The following WWOX variants were observed in gnomAD, a reference collection of about 807,000 sequenced individuals.
WWOX encodes the protein WW domain-containing oxidoreductase.
In WWOX, 69 loss-of-function variants were observed where a neutral mutation model predicts 46.2. That is an observed-to-expected ratio of 1.49 (90% CI 1.23 to 1.82). The LOEUF is 1.82. WWOX is among the 40% of genes most tolerant of loss of function. The pLI, the probability that WWOX is intolerant of heterozygous loss-of-function variation, is 0.00. For missense variants in WWOX, 919 were observed against 542.6 expected, an observed-to-expected ratio of 1.69 and a Z score of -6.89; for synonymous variants, 359 against 202.6, an observed-to-expected ratio of 1.77 and a Z score of -6.56.
At chr16:78,922,979 C>CTTTTCTTT (rs58281972) in intron 8 of WWOX, among the ~76,000 whole-genome samples, 77,374 of 111,180 alleles carry the variant, frequency 0.7, 24,516 homozygotes, top group Middle Eastern at 0.76. Context: ...AATTCTTTCT[C>CTTTTCTTT]TTTTCTTTTT....
intron 8 of WWOX, among the ~76,000 whole-genome samples, chr16:79,148,774 C>A (rs1003782657): frequency 2.1e-5 from 3 of 144,878 alleles, no homozygotes; most frequent in African/African-American, 7.7e-5. Context: ...ATTTCATTTT[C>A]TTTGGAGCGA....
rs34322186 is a variant in WWOX, at chr16:78,871,173, GTT to G, written c.1057-340420_1057-340419del. Among the ~76,000 whole-genome samples, 373 of 133,698 alleles carry G rather than the reference GTT, an allele frequency of 2.8e-3. 2 individuals carry two copies. The highest frequency in any genetic ancestry group is 5.3e-3 in the African/African-American group (198 of 37,318). 87.7% of individuals were successfully genotyped at this position (133,698 alleles called of 152,430 possible). On this transcript the variant is annotated intron_variant, in intron 8 of 8. Coordinates refer to ENST00000566780, the MANE Select transcript of WWOX (RefSeq NM_016373.4). ...GTAATTCCCAACTTTCGTGAAGGTT[GTT>G]TTTTTTTTTTTTTTAATGAGGCAAT...
chr16:78,963,371 A>G (rs1295133500), intron 8 of WWOX, among the ~76,000 whole-genome samples: 2 of 152,170 alleles, frequency 1.3e-5, no homozygotes, highest in Admixed American at 1.3e-4. Context: ...TGGGCAGCTG[A>G]GGCAGGAGAA....
chr16:78,593,049 G>A (rs754828363), intron 8 of WWOX, among the ~76,000 whole-genome samples: 8 of 152,182 alleles, frequency 5.3e-5, no homozygotes, highest in Middle Eastern at 3.2e-3. Context: ...GCACCAATGT[G>A]TCTAGGCAAA....
intron 8 of WWOX, among the ~76,000 whole-genome samples, chr16:78,659,749 C>T (rs2047169884): frequency 6.6e-6 from 1 of 152,102 alleles, no homozygotes; most frequent in African/African-American, 2.4e-5. Flanking sequence ...TATATTTGCC[C>T]ACATGAAGAT....
At chr16:78,670,313 C>G (rs775593846) in intron 8 of WWOX, among the ~76,000 whole-genome samples, 2 of 152,166 alleles carry the variant, frequency 1.3e-5, no homozygotes, top group Admixed American at 1.3e-4. Flanking sequence ...CCGACCCTCC[C>G]GTGATTCTGG....
intron 8 of WWOX, among the ~76,000 whole-genome samples, chr16:78,861,229 T>A (rs568804154): frequency 1.3e-5 from 2 of 152,324 alleles, no homozygotes; most frequent in African/African-American, 4.8e-5. Flanking sequence ...AATAAAAGAC[T>A]GAGTAAGAAA....
At chr16:79,081,563 T>G (rs2048760808) in intron 8 of WWOX, among the ~76,000 whole-genome samples, 1 of 152,206 alleles carries the variant, frequency 6.6e-6, no homozygotes. Flanking sequence ...CTATCTGCTC[T>G]TTGTGGGGCC....
intron 8 of WWOX, among the ~76,000 whole-genome samples, chr16:79,162,981 T>C (rs1005995173): frequency 4.6e-5 from 7 of 152,224 alleles, no homozygotes; most frequent in South Asian, 2.1e-4. Flanking sequence ...TGGATAGATT[T>C]AGTTATTGCT....
At chr16:78,585,127 G>A (rs2045163586) in intron 8 of WWOX, among the ~76,000 whole-genome samples, 1 of 152,194 alleles carries the variant, frequency 6.6e-6, no homozygotes, top group East Asian at 1.9e-4. Context: ...ATGTCCGTGT[G>A]AACTAAATTC....
intron 1 of WWOX, among the ~76,000 whole-genome samples, chr16:78,102,735 C>T (rs575298590): frequency 1.6e-3 from 237 of 152,330 alleles, no homozygotes; most frequent in African/African-American, 5.5e-3. Flanking sequence ...TCCTTGTTGG[C>T]CCTGTCTCCC....
chr16:78,670,079 T>G (rs868542848), intron 8 of WWOX, among the ~76,000 whole-genome samples: 1 of 152,110 alleles, frequency 6.6e-6, no homozygotes, highest in South Asian at 2.1e-4. Flanking sequence ...AAATTCCTGT[T>G]CCCGGCCGCC....
intron 5 of WWOX, among the ~76,000 whole-genome samples, chr16:78,368,932 G>A (rs907889672): frequency 1.3e-5 from 2 of 152,140 alleles, no homozygotes; most frequent in Admixed American, 6.5e-5. Flanking sequence ...ACTGTCAGTT[G>A]CTCTCTACTG....
At chr16:78,804,112 T>C (rs1482543879) in intron 8 of WWOX, among the ~76,000 whole-genome samples, 1 of 152,206 alleles carries the variant, frequency 6.6e-6, no homozygotes, top group East Asian at 1.9e-4. Context: ...GTGGAGATTG[T>C]GGCAGATGGG....
rs921125591 is a variant in WWOX, at chr16:78,714,613, A to G, written c.1056+281861A>G. Among the ~76,000 whole-genome samples, 16 of 152,302 alleles carry G rather than the reference A, an allele frequency of 1.1e-4. 1 individual carries two copies. Among genetic ancestry groups the G allele is most frequent in the East Asian group, 9.7e-4 (5 of 5,174 alleles). ...CATAAAGGATGGCAAAAAGTCAGTT[A>G]CTTAAAAGTGTGGAAGCAGAGTGTC... On this transcript the variant is annotated intron_variant, in intron 8 of 8. Transcript: ENST00000566780.
At chr16:78,950,989 A>C (rs190531539) in intron 8 of WWOX, among the ~76,000 whole-genome samples, 3 of 152,274 alleles carry the variant, frequency 2.0e-5, no homozygotes, top group Non-Finnish European at 4.4e-5. Context: ...GCCTCTCTTA[A>C]TTCACCACCC....
intron 8 of WWOX, among the ~76,000 whole-genome samples, chr16:78,878,123 A>G (rs1420851933): frequency 6.6e-6 from 1 of 152,204 alleles, no homozygotes; most frequent in East Asian, 1.9e-4. Flanking sequence ...GGTTCGGAAT[A>G]CAACTGCCCT....
At chr16:78,720,501 G>T in intron 8 of WWOX, among the ~76,000 whole-genome samples, 1 of 143,846 alleles carries the variant, frequency 7.0e-6, no homozygotes, top group East Asian at 2.0e-4. Context: ...CTTTTCTTCT[G>T]GAAAAAATCC....
At chr16:78,522,363 T>C (rs2043367407) in intron 8 of WWOX, among the ~76,000 whole-genome samples, 1 of 152,288 alleles carries the variant, frequency 6.6e-6, no homozygotes, top group African/African-American at 2.4e-5. Context: ...TTTGAGTGTT[T>C]CTGAGGCCAA....
Sources: gnomAD v4.1 joint callset for allele counts (sites outside exome capture counted in the v4.1 genomes callset) on GRCh38, gnomAD v4.1.1 for gene constraint, MANE v1.5 for transcripts, NCBI Gene and HGNC (gene_info 2026-07-23, HGNC 2026-07-21) for gene names.